OVCA2: variants seen among roughly 807,000 people sequenced by gnomAD.
OVCA2 encodes OVCA2 serine hydrolase domain containing.
In OVCA2, 14 loss-of-function variants were observed where a neutral mutation model predicts 10.1. The ratio of observed to expected loss-of-function variants is 1.39; its 90% CI spans 0.92 to 2.17. OVCA2 has a LOEUF of 2.17. OVCA2 is among the 30% of genes most tolerant of loss of function. OVCA2 has a pLI of 0.00. For missense variants in OVCA2, 376 were observed against 300.5 expected, an observed-to-expected ratio of 1.25 and a Z score of -1.86; for synonymous variants, 201 against 134.1, an observed-to-expected ratio of 1.50 and a Z score of -3.45.
intron 1 of OVCA2, 135 bp from the exon 2 acceptor site, chr17:2,042,470 T>A: frequency 7.5e-7 from 1 of 1,340,758 alleles, no homozygotes; most frequent in Non-Finnish European, 9.8e-7. Context: ...ATTTCCCCCC[T>A]CTCATTTCCC....
At position 2,043,115 on chromosome 17, in the gene OVCA2, A is replaced by G. The variant is rs779575557; in HGVS notation, c.*11A>G. On this transcript the variant is annotated 3_prime_UTR_variant, in exon 2 of 2. Transcript: ENST00000572195. ...CAGTTTGCAGAGTGAAAGATCAAGA[A>G]ATGTCTCTGCTCCTACATCCAGCTC... 3.7e-6 allele frequency: 6 copies of G among 1,610,516 alleles called. No individual in the cohort carries two copies. The highest frequency in any genetic ancestry group is 1.3e-5 in the African/African-American group (1 of 74,842).
At chr17:2,042,501 C>T (rs1313895453) in intron 1 of OVCA2, 104 bp from the exon 2 acceptor site, 19 of 1,439,212 alleles carry the variant, frequency 1.3e-5, no homozygotes, top group Non-Finnish European at 1.5e-5. Context: ...GCCTCGATTC[C>T]CTTTTTCTCT....
In OVCA2 at chr17:2,042,794, C is replaced by G. The variant is rs1054966806; in HGVS notation, c.374C>G (p.Ala125Gly). The change falls in exon 2 of 2, where the codon GCA (alanine) becomes GGA (glycine). Residue 125 changes from alanine to glycine, a missense_variant. Coordinates refer to ENST00000572195, the MANE Select transcript of OVCA2 (RefSeq NM_080822.3). Reference sequence around the variant, plus strand: ...GGTTTCAGCCAAGGGGCTGCGCTAGCAGCCCTTGTGTGTGCCCTGGGCCAG... The same window carrying G: ...GGTTTCAGCCAAGGGGCTGCGCTAGGAGCCCTTGTGTGTGCCCTGGGCCAG... ...LLGFSQGAALAALVCALGQAG... is the reference protein window; with the variant it reads ...LLGFSQGAALGALVCALGQAG... 15 of 1,613,450 alleles carry G rather than the reference C, an allele frequency of 9.3e-6. No individual in the cohort carries two copies. Among genetic ancestry groups the G allele is most frequent in the Non-Finnish European group, 1.3e-5 (15 of 1,179,900 alleles).
At chr17:2,042,388 C>T (rs1597291136) in intron 1 of OVCA2, 157 bp downstream of exon 1, 1 of 1,287,114 alleles carries the variant, frequency 7.8e-7, no homozygotes. Flanking sequence ...TTTGCTCAAA[C>T]TGCAGCCTGT....
chr17:2,043,307 A>C lies in OVCA2; in HGVS notation c.*203A>C. 1 of 619,776 alleles carries C rather than the reference A, an allele frequency of 1.6e-6. No homozygotes were observed. Among genetic ancestry groups the C allele is most frequent in the South Asian group, 2.5e-5 (1 of 40,000 alleles). 38.4% of individuals were successfully genotyped at this position (619,776 alleles called of 1,614,324 possible). A position where few individuals can be genotyped will look rare whatever the true frequency, so the allele number is the denominator to read the frequency against. On this transcript the variant is annotated 3_prime_UTR_variant, in exon 2 of 2. Transcript: ENST00000572195. Reference sequence around the variant, plus strand: ...AGGGGAGCACAAGGCCTTAATGGACATTGACTTGTGAAAACGCAAACATGA... The same window carrying C: ...AGGGGAGCACAAGGCCTTAATGGACCTTGACTTGTGAAAACGCAAACATGA...
At position 2,042,219 on chromosome 17, in the gene OVCA2, A is replaced by G; in HGVS notation, c.172A>G (p.Arg58Gly). 7.0e-7 allele frequency: 1 copy of G among 1,427,702 alleles called. No homozygotes were observed. Among genetic ancestry groups the G allele is most frequent in the Non-Finnish European group, 9.1e-7 (1 of 1,098,404 alleles). The allele number at this position is 1,427,702 out of a possible 1,614,324, so 88.4% of individuals were successfully genotyped here. A position where few individuals can be genotyped will look rare whatever the true frequency, so the allele number is the denominator to read the frequency against. ...CGACCCCCCGGGCCCCGAGGGCGCC[A>G]GATCAGACTTCGGTGAGACAAGCCC... ...VPDPPGPEGA[R>G]SDFGSCPPEE... The change falls in exon 1 of 2, where the codon AGA (arginine) becomes GGA (glycine). Residue 58 changes from arginine (R) to glycine (G), a missense_variant. Physicochemically the swap from Arg to Gly is moderately radical, Grantham distance 125. Coordinates refer to ENST00000572195, the MANE Select transcript of OVCA2 (RefSeq NM_080822.3).
In OVCA2 at chr17:2,042,084, G is replaced by A; in HGVS notation, c.37G>A (p.Ala13Thr). 6.4e-7 allele frequency: 1 copy of A among 1,566,116 alleles called. No homozygotes were observed. Among genetic ancestry groups the A allele is most frequent in the South Asian group, 1.1e-5 (1 of 87,274 alleles). Residue 13 changes from alanine to threonine, a missense_variant, in exon 1 of 2, where the codon GCG becomes ACG. By Grantham distance (58) the Ala-to-Thr change is moderately conservative (BLOSUM62 0). Transcript: ENST00000572195. ...AQRPLRVLCL[A>T]GFRQSERGFR... ...GCGACCCCTGCGGGTCCTGTGCCTGGCGGGCTTCCGGCAGAGCGAGCGGGG... is the reference window on the plus strand; with the variant it reads ...GCGACCCCTGCGGGTCCTGTGCCTGACGGGCTTCCGGCAGAGCGAGCGGGG...
chr17:2,042,617 C>G lies in OVCA2; in HGVS notation c.197C>G (p.Pro66Arg). 1 of 1,519,648 alleles carries G rather than the reference C, an allele frequency of 6.6e-7. No individual in the cohort carries two copies. The allele number at this position is 1,519,648 out of a possible 1,614,324, so 94.1% of individuals were successfully genotyped here. A position where few individuals can be genotyped will look rare whatever the true frequency, so the allele number is the denominator to read the frequency against. Residue 66 changes from proline to arginine, a missense_variant, in exon 2 of 2, where the codon CCG (proline) becomes CGG (arginine). Pro to Arg is a moderately radical substitution (Grantham distance 103, BLOSUM62 -2). Transcript: ENST00000572195. ...CATATCGCTGTAGGGTCCTGCCCTC[C>G]GGAGGAGCAGCCTCGAGGCTGGTGG... The part of the protein sequence containing the change: ...GARSDFGSCP[P>R]EEQPRGWWFS...
chr17:2,042,338 A>C (rs1597291054), intron 1 of OVCA2, 107 bp downstream of exon 1: 18 of 1,339,538 alleles, frequency 1.3e-5, no homozygotes, highest in Admixed American at 7.3e-5. Context: ...CATTCCTCCC[A>C]CCCAGTCCAC....
Position 2,043,107 on chromosome 17 carries a change from G to T in OVCA2, c.*3G>T, listed in dbSNP as rs750062925. The T allele has an allele frequency of 1.9e-6, 3 of 1,612,070 alleles. No homozygotes were observed. Among genetic ancestry groups the T allele is most frequent in the Non-Finnish European group, 2.5e-6 (3 of 1,178,994 alleles). On this transcript the variant is annotated 3_prime_UTR_variant, in exon 2 of 2. Transcript: ENST00000572195. The stretch of plus-strand genomic sequence containing the variant: ...TCTTGGACCAGTTTGCAGAGTGAAA[G>T]ATCAAGAAATGTCTCTGCTCCTACA...
chr17:2,042,339 C>T (rs1411930897), intron 1 of OVCA2, 108 bp downstream of exon 1: 2 of 1,365,562 alleles, frequency 1.5e-6, no homozygotes, highest in Admixed American at 3.5e-5. Context: ...ATTCCTCCCA[C>T]CCAGTCCACA....
chr17:2,043,260 G>A lies in OVCA2; in HGVS notation c.*156G>A. 1 of 914,052 alleles carries A rather than the reference G, an allele frequency of 1.1e-6. No individual in the cohort carries two copies. The highest frequency in any genetic ancestry group is 1.6e-6 in the Non-Finnish European group (1 of 614,958). The allele number at this position is 914,052 out of a possible 1,614,324, so 56.6% of individuals were successfully genotyped here. On this transcript the variant is annotated 3_prime_UTR_variant, in exon 2 of 2. Coordinates refer to ENST00000572195, the MANE Select transcript of OVCA2 (RefSeq NM_080822.3). ...AATTCTTGAGACCCAAATTATAAGG[G>A]CCCTGCCCTGTACTGAAGAAAAGGG...
chr17:2,042,423 T>G lies in OVCA2; in HGVS notation c.185-182T>G, dbSNP rs1251365795. The G allele has an allele frequency of 4.0e-6, 5 of 1,248,666 alleles. No individual in the cohort carries two copies. In the East Asian group the frequency reaches 1.4e-4, roughly 36 times the overall value. The allele number at this position is 1,248,666 out of a possible 1,614,324, so 77.3% of individuals were successfully genotyped here. On this transcript the variant is annotated intron_variant, in intron 1 of 1. Transcript: ENST00000572195. ...TCCTCCCAGGCTTCCGCCTTCACCG[T>G]CTTCCTCCGCTGTCTCCTGTTCAGG...
Position 2,043,069 on chromosome 17 carries a change from G to C in OVCA2, c.649G>C (p.Ala217Pro). ...FIPAAAPQRQ[A>P]YLKFLDQFAE is the part of the protein sequence containing the mutation. ...TCCAGCAGCTGCACCCCAGCGTCAG[G>C]CCTACCTCAAGTTCTTGGACCAGTT... The change falls in exon 2 of 2, where the codon GCC becomes CCC. Residue 217 changes from alanine (A) to proline (P), a missense_variant. Physicochemically the swap from Ala to Pro is conservative, Grantham distance 27. Coordinates refer to ENST00000572195, the MANE Select transcript of OVCA2 (RefSeq NM_080822.3). The C allele has an allele frequency of 6.2e-7, 1 of 1,613,864 alleles. No homozygotes were observed. Among genetic ancestry groups the C allele is most frequent in the Non-Finnish European group, 8.5e-7 (1 of 1,180,016 alleles).
chr17:2,042,923 C>G lies in OVCA2; in HGVS notation c.503C>G (p.Ser168Ter). Residue 168 changes from serine (S) to a stop codon, truncating the protein, a stop_gained, in exon 2 of 2, where the codon TCA (serine) becomes TGA (stop). Coordinates refer to ENST00000572195, the MANE Select transcript of OVCA2 (RefSeq NM_080822.3). LOFTEE classifies it high-confidence loss of function. ...FKESILQRPL[S>*]LPSLHVFGDT... ...GAATCCATCCTGCAAAGGCCCTTGT[C>G]ATTGCCTTCGCTCCATGTTTTTGGG... The G allele has an allele frequency of 6.2e-7, 1 of 1,614,180 alleles. No individual in the cohort carries two copies. The highest frequency in any genetic ancestry group is 1.1e-5 in the South Asian group (1 of 91,086).
Position 2,042,607 on chromosome 17 carries a change from T to A in OVCA2, c.187T>A (p.Ser63Thr), listed in dbSNP as rs974116528. Reference sequence around the variant, plus strand: ...CCTTTTTCCTCATATCGCTGTAGGGTCCTGCCCTCCGGAGGAGCAGCCTCG... The same window carrying A: ...CCTTTTTCCTCATATCGCTGTAGGGACCTGCCCTCCGGAGGAGCAGCCTCG... ...GPEGARSDFG[S>T]CPPEEQPRGW... The change falls in exon 2 of 2, where the codon TCC (serine) becomes ACC (threonine). Residue 63 changes from serine to threonine, a missense_variant and splice_region_variant. Transcript: ENST00000572195. 2 of 1,518,516 alleles carry A rather than the reference T, an allele frequency of 1.3e-6. No individual in the cohort carries two copies. The highest frequency in any genetic ancestry group is 2.8e-5 in the African/African-American group (2 of 71,632). 94.1% of individuals were successfully genotyped at this position (1,518,516 alleles called of 1,614,324 possible).
chr17:2,042,031 G>A lies in OVCA2; in HGVS notation c.-17G>A. On this transcript the variant is annotated 5_prime_UTR_variant, in exon 1 of 2. Coordinates refer to ENST00000572195, the MANE Select transcript of OVCA2 (RefSeq NM_080822.3). ...AAAGACCGCTTCCGGTGCTTCCGTCGCTCCTTGCCGGGCATAATGGCCGCG... is the reference window on the plus strand; with the variant it reads ...AAAGACCGCTTCCGGTGCTTCCGTCACTCCTTGCCGGGCATAATGGCCGCG... 1 of 1,502,514 alleles carries A rather than the reference G, an allele frequency of 6.7e-7. No individual in the cohort carries two copies. The highest frequency in any genetic ancestry group is 8.8e-7 in the Non-Finnish European group (1 of 1,130,208). The allele number at this position is 1,502,514 out of a possible 1,614,324, so 93.1% of individuals were successfully genotyped here. A position where few individuals can be genotyped will look rare whatever the true frequency, so the allele number is the denominator to read the frequency against.
At position 2,042,025 on chromosome 17, in the gene OVCA2, T is replaced by G. The variant is rs2067540312; in HGVS notation, c.-23T>G. The G allele has an allele frequency of 6.7e-7, 1 of 1,498,138 alleles. No homozygotes were observed. The highest frequency in any genetic ancestry group is 8.9e-7 in the Non-Finnish European group (1 of 1,127,700). 92.8% of individuals were successfully genotyped at this position (1,498,138 alleles called of 1,614,324 possible). A position where few individuals can be genotyped will look rare whatever the true frequency, so the allele number is the denominator to read the frequency against. On this transcript the variant is annotated 5_prime_UTR_variant, in exon 1 of 2. Coordinates refer to ENST00000572195, the MANE Select transcript of OVCA2 (RefSeq NM_080822.3). The stretch of plus-strand genomic sequence containing the variant: ...TCGGGGAAAGACCGCTTCCGGTGCT[T>G]CCGTCGCTCCTTGCCGGGCATAATG...
Position 2,042,698 on chromosome 17 carries a change from G to A in OVCA2, c.278G>A (p.Arg93Lys), listed in dbSNP as rs773810080. 9.1e-6 allele frequency: 14 copies of A among 1,534,100 alleles called. No homozygotes were observed. The Admixed American group carries it at 1.8e-4, about 19-fold the overall frequency. ...FSALEEPAVC[R>K]GLEESLGMVA... ...GCATTGGAAGAGCCCGCCGTCTGCA[G>A]GGGCCTGGAGGAATCACTGGGGATG... Residue 93 changes from arginine to lysine, a missense_variant, in exon 2 of 2, where the codon AGG becomes AAG. By Grantham distance (26) the Arg-to-Lys change is conservative. Coordinates refer to ENST00000572195, the MANE Select transcript of OVCA2 (RefSeq NM_080822.3).
Sources: allele counts gnomAD v4.1 joint callset, GRCh38; gene constraint gnomAD v4.1.1; transcripts MANE v1.5; gene names NCBI Gene and HGNC (gene_info 2026-07-23, HGNC 2026-07-21).